The following OR52A5 variants were observed in gnomAD, a reference collection of about 807,000 sequenced individuals.
The protein encoded by OR52A5 is olfactory receptor 52A5.
Under a neutral mutation model 18.2 loss-of-function variants are expected in OR52A5, and 16 were observed. The ratio of observed to expected loss-of-function variants is 0.88; its 90% CI spans 0.60 to 1.34. OR52A5 has a LOEUF of 1.34. Ranked by LOEUF, OR52A5 falls within the 40% of genes most tolerant of loss-of-function variation. The pLI is 0.00. For synonymous variants in OR52A5, 140 were observed against 137.2 expected (o/e 1.02, Z -0.14); for missense variants, 418 against 383.0 (o/e 1.09, Z -0.76).
At chr11:5,133,363 C>CCAAAAAA (rs1554906436) in intron 1 of OR52A5, among the ~76,000 whole-genome samples, 2 of 62,410 alleles carry the variant, frequency 3.2e-5, no homozygotes, top group African/African-American at 1.3e-4. Context: ...GCGAGACTGT[C>CCAAAAAA]AAAAAAAAAA....
rs956050531 is a variant in OR52A5, at chr11:5,129,341, T to C, written c.*2351A>G. On this transcript the variant is annotated 3_prime_UTR_variant, in exon 2 of 2. Coordinates refer to ENST00000307388, the MANE Select transcript of OR52A5 (RefSeq NM_001005160.3). ...TAGCCCCATTGTAGAGAAGAGGAAA[T>C]AACATGCCCAGGAGTATGTAGAATG... 2.6e-5 allele frequency: 4 copies of C among 152,174 alleles called. No homozygotes were observed. The highest frequency in any genetic ancestry group is 1.3e-4 in the Admixed American group (2 of 15,266). 9.4% of individuals were successfully genotyped at this position (152,174 alleles called of 1,614,324 possible).
rs544141258 is a variant in OR52A5, at chr11:5,129,428, T to G, written c.*2264A>C. Reference sequence around the variant, plus strand: ...GATTCCTAGCTAGGATACCTATTTATCCATCTTTAACTTAAGGCAATCCCT... The same window carrying G: ...GATTCCTAGCTAGGATACCTATTTAGCCATCTTTAACTTAAGGCAATCCCT... On this transcript the variant is annotated 3_prime_UTR_variant, in exon 2 of 2. Coordinates refer to ENST00000307388, the MANE Select transcript of OR52A5 (RefSeq NM_001005160.3). 1 of 152,154 alleles carries G rather than the reference T, an allele frequency of 6.6e-6. No individual in the cohort carries two copies. Among genetic ancestry groups the G allele is most frequent in the Non-Finnish European group, 1.5e-5 (1 of 68,024 alleles). The allele number at this position is 152,154 out of a possible 1,614,324, so 9.4% of individuals were successfully genotyped here.
chr11:5,131,817 G>T lies in OR52A5; in HGVS notation c.826C>A (p.His276Asn). The change falls in exon 2 of 2, where the codon CAT becomes AAT. Residue 276 changes from histidine to asparagine, a missense_variant. Transcript: ENST00000307388. ...AGGTAAAGATTTGACAAGAGGATAT[G>T]AATATATGGTGGTATGTGTGAACCA... Reference protein sequence around the residue: ...RFGSHIPPYIHILLSNLYLLV... With the variant: ...RFGSHIPPYINILLSNLYLLV... 1 of 1,613,930 alleles carries T rather than the reference G, an allele frequency of 6.2e-7. No homozygotes were observed. Among genetic ancestry groups the T allele is most frequent in the South Asian group, 1.1e-5 (1 of 91,054 alleles).
rs779648121 is a variant in OR52A5 at position 5,131,934 on chromosome 11, G to A, written c.709C>T (p.Arg237Ter). 4.3e-6 allele frequency: 7 copies of A among 1,613,958 alleles called. No homozygotes were observed. Among genetic ancestry groups the A allele is most frequent in the South Asian group, 2.2e-5 (2 of 91,082 alleles). The change falls in exon 2 of 2, where the codon CGA (arginine) becomes TGA (stop). Residue 237 changes from arginine (R) to a stop codon, truncating the protein, a stop_gained. Transcript: ENST00000307388. LOFTEE classifies it high-confidence loss of function. ...ATGCATGTATTAAAGGCCTTGAATCGTGCCTCCTTCTGGGGCAGCTGAAAG... is the reference window on the plus strand; with the variant it reads ...ATGCATGTATTAAAGGCCTTGAATCATGCCTCCTTCTGGGGCAGCTGAAAG... Reference protein sequence around the residue: ...TVFQLPQKEARFKAFNTCIAH... With the variant: ...TVFQLPQKEA
intron 1 of OR52A5, among the ~76,000 whole-genome samples, 167 bp from the exon 2 acceptor site, chr11:5,132,869 T>G (rs1404720163): frequency 6.6e-6 from 1 of 152,242 alleles, no homozygotes; most frequent in African/African-American, 2.4e-5. Flanking sequence ...TGTTTCTCCA[T>G]GTCTTAATCA....
intron 1 of OR52A5, among the ~76,000 whole-genome samples, chr11:5,133,612 T>C (rs2133524506): frequency 6.6e-6 from 1 of 151,954 alleles, no homozygotes; most frequent in South Asian, 2.1e-4. Context: ...GTCCTGTGCA[T>C]TCTCTAACAA....
In OR52A5 at chr11:5,137,838, G is replaced by C. The variant is rs1184896062; in HGVS notation, c.-61+473C>G. 2.0e-5 allele frequency among the ~76,000 whole-genome samples: 3 copies of C among 152,128 alleles called. No individual in the cohort carries two copies. The East Asian group carries it at 5.8e-4, about 29-fold the overall frequency. ...TTACAGAGTGATTGTAAAAATTAAT[G>C]ACACAATCCATTTCAAATATTGAGA... On this transcript the variant is annotated intron_variant, in intron 1 of 1. Transcript: ENST00000307388.
chr11:5,129,324 T>C lies in OR52A5; in HGVS notation c.*2368A>G, dbSNP rs1349979857. On this transcript the variant is annotated 3_prime_UTR_variant, in exon 2 of 2. Transcript: ENST00000307388. ...TCTGAGGCTCGTATTGTTAGCCCCA[T>C]TGTAGAGAAGAGGAAATAACATGCC... is the stretch of plus-strand genomic sequence containing the variant. The C allele has an allele frequency of 6.6e-6, 1 of 152,056 alleles. No homozygotes were observed. The highest frequency in any genetic ancestry group is 2.4e-5 in the African/African-American group (1 of 41,398). 9.4% of individuals were successfully genotyped at this position (152,056 alleles called of 1,614,324 possible). A position where few individuals can be genotyped will look rare whatever the true frequency, so the allele number is the denominator to read the frequency against.
Position 5,132,385 on chromosome 11 carries a change from G to T in OR52A5, c.258C>A (p.Ile86=). Residue 86 remains isoleucine (I), a synonymous_variant, in exon 2 of 2, where the codon ATC becomes ATA. Transcript: ENST00000307388. ...AAATCTCTGGCAAATGAAACCAGAA[G>T]ATGCCTAACATTTTGGGAAGAATGC... ...NTCILPKMLG[I]FWFHLPEISF... The T allele has an allele frequency of 1.2e-6, 2 of 1,614,180 alleles. No individual in the cohort carries two copies. The highest frequency in any genetic ancestry group is 2.2e-5 in the East Asian group (1 of 44,882).
chr11:5,131,905 G>A lies in OR52A5; in HGVS notation c.738C>T (p.Ala246=). The A allele has an allele frequency of 6.2e-7, 1 of 1,614,158 alleles. No individual in the cohort carries two copies. Among genetic ancestry groups the A allele is most frequent in the Non-Finnish European group, 8.5e-7 (1 of 1,180,022 alleles). ...AGAACTGTAGGAAGACACAAATGTG[G>A]GCAATGCATGTATTAAAGGCCTTGA... ...ARFKAFNTCI[A]HICVFLQFYL... The change falls in exon 2 of 2, where the codon GCC becomes GCT. Residue 246 remains alanine, a synonymous_variant. Transcript: ENST00000307388.
chr11:5,137,587 A>T (rs1026713650), intron 1 of OR52A5, among the ~76,000 whole-genome samples: 12 of 151,116 alleles, frequency 7.9e-5, no homozygotes, highest in African/African-American at 2.9e-4. Flanking sequence ...TCTTCTTTAT[A>T]TAGAGCTCCA....
Position 5,130,753 on chromosome 11 carries a change from GAC to G in OR52A5, c.*937_*938del, listed in dbSNP as rs1345358949. ...GTTTTACCATATTATTTCTTTCTTTGACCATGCATCTTTTCAAAATTAGTGAT... is the reference window on the plus strand; with the variant it reads ...GTTTTACCATATTATTTCTTTCTTTGCATGCATCTTTTCAAAATTAGTGAT... On this transcript the variant is annotated 3_prime_UTR_variant, in exon 2 of 2. Coordinates refer to ENST00000307388, the MANE Select transcript of OR52A5 (RefSeq NM_001005160.3). The G allele has an allele frequency of 6.6e-6, 1 of 151,774 alleles. No homozygotes were observed. Among genetic ancestry groups the G allele is most frequent in the East Asian group, 1.9e-4 (1 of 5,162 alleles). The allele number at this position is 151,774 out of a possible 1,614,324, so 9.4% of individuals were successfully genotyped here. A position where few individuals can be genotyped will look rare whatever the true frequency, so the allele number is the denominator to read the frequency against.
In OR52A5 at chr11:5,129,083, C is replaced by G. The variant is rs1462196132; in HGVS notation, c.*2609G>C. The G allele has an allele frequency of 6.6e-6, 1 of 152,258 alleles. No homozygotes were observed. The highest frequency in any genetic ancestry group is 1.5e-5 in the Non-Finnish European group (1 of 68,038). 9.4% of individuals were successfully genotyped at this position (152,258 alleles called of 1,614,324 possible). On this transcript the variant is annotated 3_prime_UTR_variant, in exon 2 of 2. Coordinates refer to ENST00000307388, the MANE Select transcript of OR52A5 (RefSeq NM_001005160.3). ...TTACACACAGCTCTGCCCAAAGACA[C>G]TGACCTAGCTCCAGCTAGAGGATCA...
rs1218691769 is a variant in OR52A5, at chr11:5,132,557, A to G, written c.86T>C (p.Ile29Thr). ...ATACATGGCAGAGAAAGGAATCCCA[A>G]TCCAACACTGCACTGACTCCAGACC... is the stretch of plus-strand genomic sequence containing the variant. ...IPGLESVQCW[I>T]GIPFSAMYLI... The change falls in exon 2 of 2, where the codon ATT becomes ACT. Residue 29 changes from isoleucine (I) to threonine (T), a missense_variant. Transcript: ENST00000307388. The G allele has an allele frequency of 5.6e-6, 9 of 1,613,932 alleles. No homozygotes were observed. Among genetic ancestry groups the G allele is most frequent in the Admixed American group, 3.3e-5 (2 of 59,996 alleles).
At position 5,132,211 on chromosome 11, in the gene OR52A5, A is replaced by C; in HGVS notation, c.432T>G (p.Thr144=). Residue 144 remains threonine, a synonymous_variant, in exon 2 of 2, where the codon ACT becomes ACG. Transcript: ENST00000307388. ...TGAGTGTCACCCCAAGTCCAATATGAGTTAAGAACTGCTGGGAAAAGATGG... is the reference window on the plus strand; with the variant it reads ...TGAGTGTCACCCCAAGTCCAATATGCGTTAAGAACTGCTGGGAAAAGATGG... The part of the protein sequence containing the change: ...HATIFSQQFL[T]HIGLGVTLRA... The C allele has an allele frequency of 6.2e-7, 1 of 1,614,106 alleles. No homozygotes were observed.
Position 5,132,474 on chromosome 11 carries a change from G to A in OR52A5, c.169C>T (p.Leu57Phe), listed in dbSNP as rs140058776. The change falls in exon 2 of 2, where the codon CTC (leucine) becomes TTC (phenylalanine). Residue 57 changes from leucine to phenylalanine, a missense_variant. By Grantham distance (22) the Leu-to-Phe change is conservative. Coordinates refer to ENST00000307388, the MANE Select transcript of OR52A5 (RefSeq NM_001005160.3). ...ILVIIKYENS[L>F]HIPMYIFLAM... Reference sequence around the variant, plus strand: ...AAAAAAATGTACATGGGTATATGGAGGCTGTTTTCATATTTGATTATAACT... The same window carrying A: ...AAAAAAATGTACATGGGTATATGGAAGCTGTTTTCATATTTGATTATAACT... 6.2e-6 allele frequency: 10 copies of A among 1,614,112 alleles called. No individual in the cohort carries two copies. The African/African-American group carries it at 8.0e-5, about 13-fold the overall frequency.
intron 1 of OR52A5, among the ~76,000 whole-genome samples, chr11:5,134,349 C>CT (rs1005419498): frequency 6.6e-6 from 1 of 152,118 alleles, no homozygotes; most frequent in African/African-American, 2.4e-5. Context: ...TTAATTTTTT[C>CT]TTTTTCCCCG....
At chr11:5,133,290 C>T (rs531117751) in intron 1 of OR52A5, among the ~76,000 whole-genome samples, 14 of 149,778 alleles carry the variant, frequency 9.3e-5, no homozygotes, top group South Asian at 2.1e-4. Flanking sequence ...ATGGCATGAA[C>T]CCGGGAGGCA....
At chr11:5,135,077 T>C (rs947994383) in intron 1 of OR52A5, among the ~76,000 whole-genome samples, 2 of 152,200 alleles carry the variant, frequency 1.3e-5, no homozygotes, top group South Asian at 2.1e-4. Context: ...GGTTTCACCA[T>C]GTTAGCCAGG....
Sources: gnomAD v4.1 joint callset for allele counts (sites outside exome capture counted in the v4.1 genomes callset) on GRCh38, gnomAD v4.1.1 for gene constraint, MANE v1.5 for transcripts, NCBI Gene and HGNC (gene_info 2026-07-23, HGNC 2026-07-21) for gene names.